Variants in TENM3 observed in about 807,000 individuals in gnomAD.
TENM3 encodes the protein teneurin-3.
TENM3 carries 63 observed loss-of-function variants against 255.1 expected under a neutral mutation model. The ratio of observed to expected loss-of-function variants is 0.25; its 90% CI spans 0.20 to 0.30. The LOEUF is 0.30. Ranked by LOEUF, TENM3 falls within the 10% of genes least tolerant of loss-of-function variation. The pLI is 1.00. For synonymous variants in TENM3, 1,306 were observed against 1,322.3 expected (o/e 0.99, Z 0.27); for missense variants, 2,929 against 3,461.1 (o/e 0.85, Z 3.86).
the TENM3 span, among the ~76,000 whole-genome samples, chr4:181,568,330 A>ATTGTT: frequency 8.6e-5 from 13 of 151,834 alleles, no homozygotes; most frequent in Admixed American, 3.3e-4. Context: ...CACCCAGATA[A>ATTGTT]TTGTTTTGTT....
At chr4:182,470,818 C>G (rs1733050531) in intron 3 of TENM3, among the ~76,000 whole-genome samples, 1 of 152,172 alleles carries the variant, frequency 6.6e-6, no homozygotes, top group South Asian at 2.1e-4. Context: ...AACCAAAACT[C>G]TCCATGATTC....
At chr4:181,540,869 A>G in the TENM3 span, among the ~76,000 whole-genome samples, 29 of 147,542 alleles carry the variant, frequency 2.0e-4, no homozygotes, top group Non-Finnish European at 4.3e-4. Flanking sequence ...AAATCTGAAT[A>G]AAGTATGGCC....
the TENM3 span, among the ~76,000 whole-genome samples, chr4:181,605,792 C>T: frequency 5.9e-5 from 9 of 151,934 alleles, no homozygotes; most frequent in African/African-American, 1.7e-4. Flanking sequence ...TAAGTGGTAC[C>T]CTAATTGTCC....
At chr4:181,994,579 A>G in the TENM3 span, among the ~76,000 whole-genome samples, 333 of 137,998 alleles carry the variant, frequency 2.4e-3, 2 homozygotes, top group Middle Eastern at 3.7e-3. Flanking sequence ...TGTGAACTCA[A>G]TTTGTACTCT....
the TENM3 span, among the ~76,000 whole-genome samples, chr4:182,051,257 C>A: frequency 6.6e-6 from 1 of 151,432 alleles, no homozygotes. Context: ...GCAGGAGAAT[C>A]GCTTGAAACT....
At chr4:182,086,664 T>C in the TENM3 span, among the ~76,000 whole-genome samples, 1 of 152,200 alleles carries the variant, frequency 6.6e-6, no homozygotes, top group East Asian at 1.9e-4. Flanking sequence ...GTAAGAAATA[T>C]TGAAGAGCAG....
At chr4:181,944,783 AGAGCCTG>A in the TENM3 span, among the ~76,000 whole-genome samples, 1 of 152,084 alleles carries the variant, frequency 6.6e-6, no homozygotes, top group Admixed American at 6.5e-5. Context: ...GTTTGCAGAC[AGAGCCTG>A]GGTCCCCAGG....
At chr4:181,946,405 C>T in the TENM3 span, among the ~76,000 whole-genome samples, 2 of 152,142 alleles carry the variant, frequency 1.3e-5, no homozygotes, top group African/African-American at 4.8e-5. Context: ...TTATCAGAAT[C>T]CACTCATCTT....
the TENM3 span, among the ~76,000 whole-genome samples, chr4:181,593,122 C>T: frequency 5.4e-4 from 82 of 152,302 alleles, no homozygotes; most frequent in African/African-American, 1.9e-3. Context: ...TTACACATTT[C>T]CAGTTATGCC....
chr4:182,351,324 TG>T (rs1242337393), intron 3 of TENM3, among the ~76,000 whole-genome samples: 1 of 152,226 alleles, frequency 6.6e-6, no homozygotes, highest in Admixed American at 6.5e-5. Flanking sequence ...ATAAAATGTT[TG>T]CGTATGCATC....
At chr4:182,263,688 C>T (rs910334431) in intron 1 of TENM3, among the ~76,000 whole-genome samples, 2 of 152,154 alleles carry the variant, frequency 1.3e-5, no homozygotes, top group African/African-American at 2.4e-5. Context: ...AGCATTTCGC[C>T]TTGCCCACCC....
At chr4:181,513,397 C>T in the TENM3 span, among the ~76,000 whole-genome samples, 61 of 152,230 alleles carry the variant, frequency 4.0e-4, no homozygotes, top group Admixed American at 1.6e-3. Context: ...AGCAGAACAA[C>T]TAGAACTCAA....
chr4:182,078,023 T>C, the TENM3 span, among the ~76,000 whole-genome samples: 4 of 152,118 alleles, frequency 2.6e-5, no homozygotes, highest in Admixed American at 2.0e-4. Context: ...ATTGGATATA[T>C]GAGCCTGGGC....
chr4:181,457,654 GTAGA>G, the TENM3 span, among the ~76,000 whole-genome samples: 1 of 151,702 alleles, frequency 6.6e-6, no homozygotes, highest in Non-Finnish European at 1.5e-5. Flanking sequence ...GGAAGACATG[GTAGA>G]TAGTCTATAT....
chr4:182,124,176 C>A, the TENM3 span, among the ~76,000 whole-genome samples: 1 of 152,086 alleles, frequency 6.6e-6, no homozygotes, highest in African/African-American at 2.4e-5. Flanking sequence ...CTCAGCCTCC[C>A]GAGTAGCTGG....
chr4:181,851,321 G>A, the TENM3 span, among the ~76,000 whole-genome samples: 1 of 152,102 alleles, frequency 6.6e-6, no homozygotes, highest in Non-Finnish European at 1.5e-5. Context: ...ATACAACATA[G>A]TCGATTGTAG....
chr4:181,809,480 C>T, the TENM3 span, among the ~76,000 whole-genome samples: 4 of 152,048 alleles, frequency 2.6e-5, no homozygotes, highest in African/African-American at 7.2e-5. Flanking sequence ...CTCGTTGGTT[C>T]GATCGTGTAT....
chr4:181,627,246 T>C, the TENM3 span, among the ~76,000 whole-genome samples: 11 of 152,302 alleles, frequency 7.2e-5, no homozygotes, highest in Admixed American at 2.6e-4. Context: ...TTACTAAAAG[T>C]ATAAGAAAAC....
At chr4:181,641,605 GTATA>G in the TENM3 span, among the ~76,000 whole-genome samples, 410 of 62,900 alleles carry the variant, frequency 6.5e-3, 8 homozygotes, top group Middle Eastern at 0.011. Flanking sequence ...GTGTGTGTGT[GTATA>G]TATATATATA....
Sources: allele counts gnomAD v4.1 joint callset (sites outside exome capture counted in the v4.1 genomes callset), GRCh38; gene constraint gnomAD v4.1.1; transcripts MANE v1.5; gene names NCBI Gene and HGNC (gene_info 2026-07-23, HGNC 2026-07-21).